SF3B2: variants seen among roughly 807,000 people sequenced by gnomAD.
SF3B2 encodes SAP 145.
Under a neutral mutation model 116.3 loss-of-function variants are expected in SF3B2, and 22 were observed. The ratio of observed to expected loss-of-function variants is 0.19; its 90% CI spans 0.14 to 0.27. SF3B2 has a LOEUF of 0.27. SF3B2 is among the 10% of genes least tolerant of loss of function. The probability of loss-of-function intolerance (pLI) is 1.00; values close to 1 mark genes in which losing one functional copy is unlikely to be tolerated. For synonymous variants in SF3B2, 406 were observed against 421.6 expected (o/e 0.96, Z 0.45); for missense variants, 767 against 1,151.4 (o/e 0.67, Z 4.83).
At chr11:66,058,467 C>T in intron 9 of SF3B2, 62 bp downstream of exon 9, 1 of 1,324,804 alleles carries the variant, frequency 7.5e-7, no homozygotes, top group South Asian at 1.2e-5. Context: ...ACGGAAATAA[C>T]ACAATTTGTA....
intron 14 of SF3B2, among the ~76,000 whole-genome samples, chr11:66,061,057 A>G (rs549519996): frequency 3.9e-5 from 6 of 152,242 alleles, no homozygotes; most frequent in African/African-American, 1.4e-4. Context: ...CAGCCTCCCA[A>G]AGTGCTGGGT....
chr11:66,055,864 C>A, intron 5 of SF3B2: 1 of 440,350 alleles, frequency 2.3e-6, no homozygotes. Flanking sequence ...GTCTGTACAG[C>A]AACCCATAAA....
chr11:66,057,353 C>A lies in SF3B2; in HGVS notation c.755C>A (p.Pro252His). ...CCCCGGCCTCGTGGTCCCCCACCGCCCCCTGGAGATGAGAACAGAGAGGTG... is the reference window on the plus strand; with the variant it reads ...CCCCGGCCTCGTGGTCCCCCACCGCACCCTGGAGATGAGAACAGAGAGGTG... ...PVPRPRGPPP[P>H]PGDENREMDD... Residue 252 changes from proline (P) to histidine (H), a missense_variant, in exon 7 of 22, where the codon CCC (proline) becomes CAC (histidine). Physicochemically the swap from Pro to His is moderately conservative, Grantham distance 77. Coordinates refer to ENST00000322535, the MANE Select transcript of SF3B2 (RefSeq NM_006842.3). 3 of 1,498,528 alleles carry A rather than the reference C, an allele frequency of 2.0e-6. No individual in the cohort carries two copies. The East Asian group carries it at 6.8e-5, about 34-fold the overall frequency. 92.8% of individuals were successfully genotyped at this position (1,498,528 alleles called of 1,614,324 possible).
intron 19 of SF3B2, chr11:66,067,529 C>A (rs1232145194): frequency 2.2e-6 from 1 of 456,730 alleles, no homozygotes; most frequent in Admixed American, 2.3e-5. Flanking sequence ...ATGGCTCTTG[C>A]GTTGGAAGGC....
intron 13 of SF3B2, 86 bp from the exon 14 acceptor site, chr11:66,060,496 A>G (rs1481674767): frequency 4.0e-6 from 6 of 1,508,218 alleles, no homozygotes; most frequent in Non-Finnish European, 5.5e-6. Context: ...GAGGCTTCCC[A>G]TGATCTCATT....
chr11:66,065,109 T>C (rs1161524765), intron 19 of SF3B2: 1 of 152,198 alleles, frequency 6.6e-6, no homozygotes, highest in Non-Finnish European at 1.5e-5. Context: ...GTAGCTGAGA[T>C]TACATGTGCA....
intron 5 of SF3B2, among the ~76,000 whole-genome samples, chr11:66,056,576 C>T (rs11227392): frequency 0.01 from 1,543 of 152,164 alleles, 30 homozygotes; most frequent in African/African-American, 0.035. Context: ...CACTGTTTGG[C>T]TCAATATGAA....
intron 9 of SF3B2, 41 bp from the exon 10 acceptor site, chr11:66,058,789 C>T: frequency 6.4e-7 from 1 of 1,561,620 alleles, no homozygotes; most frequent in South Asian, 1.1e-5. Context: ...TGGCACAGTG[C>T]TTGGATTCCC....
At position 66,057,356 on chromosome 11, in the gene SF3B2, C is replaced by T. The variant is rs2135042765; in HGVS notation, c.758C>T (p.Pro253Leu). 6.7e-7 allele frequency: 1 copy of T among 1,482,062 alleles called. No homozygotes were observed. The highest frequency in any genetic ancestry group is 1.1e-5 in the South Asian group (1 of 88,534). The allele number at this position is 1,482,062 out of a possible 1,614,324, so 91.8% of individuals were successfully genotyped here. ...CGGCCTCGTGGTCCCCCACCGCCCC[C>T]TGGAGATGAGAACAGAGAGGTGAGA... ...VPRPRGPPPP[P>L]GDENREMDDP... The change falls in exon 7 of 22, where the codon CCT becomes CTT. Residue 253 changes from proline (P) to leucine (L), a missense_variant. Physicochemically the swap from Pro to Leu is moderately conservative, Grantham distance 98. This residue lies in a region of SF3B2 where 455 missense variants were observed against 537.5 expected (regional missense o/e 0.85). Transcript: ENST00000322535.
At position 66,063,396 on chromosome 11, in the gene SF3B2, T is replaced by G. The variant is rs1273886188; in HGVS notation, c.2086-4T>G. On this transcript the variant is annotated splice_polypyrimidine_tract_variant and splice_region_variant and intron_variant, in intron 17 of 21. Transcript: ENST00000322535. ...TTGTTGAATGATAAAGTGATCTCTT[T>G]CAGACCAAGACTGAGGAAGAAGAGA... The G allele has an allele frequency of 6.2e-7, 1 of 1,608,804 alleles. No individual in the cohort carries two copies. The highest frequency in any genetic ancestry group is 1.1e-5 in the South Asian group (1 of 90,604).
rs1326733348 is a variant in SF3B2, at chr11:66,056,819, T to C, written c.550-19T>C. 2 of 1,597,386 alleles carry C rather than the reference T, an allele frequency of 1.3e-6. No individual in the cohort carries two copies. The highest frequency in any genetic ancestry group is 1.7e-6 in the Non-Finnish European group (2 of 1,164,986). On this transcript the variant is annotated intron_variant, in intron 5 of 21. Transcript: ENST00000322535. Reference sequence around the variant, plus strand: ...AAATGCGTTTTCAGGCAGTATCTACTCCCACTTCCCTCCCGTAGGCAGCTG... The same window carrying C: ...AAATGCGTTTTCAGGCAGTATCTACCCCCACTTCCCTCCCGTAGGCAGCTG...
At chr11:66,068,357 G>A in intron 21 of SF3B2, 24 bp downstream of exon 21, 2 of 1,564,030 alleles carry the variant, frequency 1.3e-6, no homozygotes, top group African/African-American at 1.3e-5. Flanking sequence ...GGGGCGCTGG[G>A]CTGGGTGAGA....
chr11:66,057,199 G>A, intron 6 of SF3B2, 67 bp from the exon 7 acceptor site: 2 of 1,058,414 alleles, frequency 1.9e-6, no homozygotes, highest in South Asian at 2.5e-5. Flanking sequence ...CTTTCAGCAA[G>A]AGAGGTAATT....
At chr11:66,058,525 A>C (rs1857043210) in intron 9 of SF3B2, 120 bp downstream of exon 9, 3 of 728,066 alleles carry the variant, frequency 4.1e-6, no homozygotes, top group Non-Finnish European at 6.9e-6. Context: ...TTCCGCCCTC[A>C]GCATCTTATA....
intron 19 of SF3B2, chr11:66,067,261 C>G (rs1284778069): frequency 5.2e-6 from 2 of 382,502 alleles, no homozygotes; most frequent in Non-Finnish European, 1.0e-5. Flanking sequence ...AGGGACCAGG[C>G]TATGAACCCT....
In SF3B2 at chr11:66,052,732, G is replaced by A. The variant is rs756006779; in HGVS notation, c.180+13G>A. The stretch of plus-strand genomic sequence containing the variant: ...CTACACCCGCCAGGTAGGTGTTGGC[G>A]GCGGGACGTCAGGATAGGCCGAGCT... On this transcript the variant is annotated intron_variant, in intron 2 of 21. Coordinates refer to ENST00000322535, the MANE Select transcript of SF3B2 (RefSeq NM_006842.3). The A allele has an allele frequency of 4.5e-6, 7 of 1,559,050 alleles. No individual in the cohort carries two copies. Among genetic ancestry groups the A allele is most frequent in the South Asian group, 2.4e-5 (2 of 82,176 alleles).
intron 19 of SF3B2, chr11:66,067,658 G>C (rs1178925247): frequency 2.0e-6 from 1 of 490,470 alleles, no homozygotes; most frequent in African/African-American, 1.9e-5. Context: ...GAAACTTTGA[G>C]CCTCTCTGAC....
rs772089425 is a variant in SF3B2, at chr11:66,061,709, G to A, written c.1803G>A (p.Leu601=). Residue 601 remains leucine (L), a synonymous_variant, in exon 15 of 22, where the codon CTG becomes CTA. Coordinates refer to ENST00000322535, the MANE Select transcript of SF3B2 (RefSeq NM_006842.3). ...YYEGKEFETR[L]KEKKPGDLSD... Reference sequence around the variant, plus strand: ...AGGGGAAGGAGTTCGAGACACGACTGAAGGAGAAGAAGCCAGGAGATCTGT... The same window carrying A: ...AGGGGAAGGAGTTCGAGACACGACTAAAGGAGAAGAAGCCAGGAGATCTGT... 6 of 1,614,194 alleles carry A rather than the reference G, an allele frequency of 3.7e-6. No individual in the cohort carries two copies. The highest frequency in any genetic ancestry group is 5.1e-6 in the Non-Finnish European group (6 of 1,180,022).
Position 66,059,953 on chromosome 11 carries a change from C to T in SF3B2, c.1573C>T (p.Pro525Ser). 4 of 1,614,180 alleles carry T rather than the reference C, an allele frequency of 2.5e-6. No individual in the cohort carries two copies. Among genetic ancestry groups the T allele is most frequent in the Non-Finnish European group, 3.4e-6 (4 of 1,180,030 alleles). The change falls in exon 13 of 22, where the codon CCA becomes TCA. Residue 525 changes from proline (P) to serine (S), a missense_variant. Physicochemically the swap from Pro to Ser is moderately conservative, Grantham distance 74 (BLOSUM62 -1). Around this residue, in one of 4 missense-constraint regions of SF3B2, gnomAD observed 282 missense variants for 568.0 expected, o/e 0.50. Transcript: ENST00000322535. The surrounding 1 kb of genome is among the most constrained non-coding windows in gnomAD (Gnocchi z 5.0). ...CATTGAGAAGCCCCCCTTCGAGCTG[C>T]CAGACTTCATCAAACGCACAGGCAT... Reference protein sequence around the residue: ...RGIEKPPFELPDFIKRTGIQE... With the variant: ...RGIEKPPFELSDFIKRTGIQE...
Sources: gnomAD v4.1 joint callset for allele counts (sites outside exome capture counted in the v4.1 genomes callset) on GRCh38, gnomAD v4.1.1 for gene constraint, gnomAD v4.1.1 regional missense constraint, Gnocchi (gnomAD v3.1) non-coding constraint, MANE v1.5 for transcripts, NCBI Gene and HGNC (gene_info 2026-07-23, HGNC 2026-07-21) for gene names.